Variants in KTN1 observed in about 807,000 individuals in gnomAD.
KTN1 encodes the protein kinectin.
In KTN1, 130 loss-of-function variants were observed where a neutral mutation model predicts 222.5. That is an observed-to-expected ratio of 0.58 (90% CI 0.51 to 0.68). KTN1 has a LOEUF of 0.68. Ranked by LOEUF, KTN1 falls within the 30% of genes least tolerant of loss-of-function variation. The probability of loss-of-function intolerance (pLI) is 0.00; values close to 1 mark genes in which losing one functional copy is unlikely to be tolerated. For missense variants in KTN1, 1,508 were observed against 1,500.4 expected, an observed-to-expected ratio of 1.01 and a Z score of -0.08; for synonymous variants, 512 against 496.3, an observed-to-expected ratio of 1.03 and a Z score of -0.42.
chr14:55,640,354 G>A lies in KTN1; in HGVS notation c.1915-20G>A. On this transcript the variant is annotated intron_variant, in intron 14 of 43. Transcript: ENST00000395314. ...ATCAGTTGTATTAAGTATTTTAAAT[G>A]CTATTTTTCCTTGTTCTAGGATATA... 6.8e-7 allele frequency: 1 copy of A among 1,461,344 alleles called. No individual in the cohort carries two copies. Among genetic ancestry groups the A allele is most frequent in the Non-Finnish European group, 9.5e-7 (1 of 1,052,780 alleles). 90.5% of individuals were successfully genotyped at this position (1,461,344 alleles called of 1,614,324 possible).
At chr14:55,646,460 T>TTTCCC (rs1595073348) in intron 18 of KTN1, among the ~76,000 whole-genome samples, 15 of 48,980 alleles carry the variant, frequency 3.1e-4, no homozygotes, top group African/African-American at 9.9e-4. Context: ...TTCCTTTTCC[T>TTTCCC]TTTCCTTTCC....
chr14:55,677,152 T>C (rs1420796943), intron 41 of KTN1, among the ~76,000 whole-genome samples: 1 of 152,094 alleles, frequency 6.6e-6, no homozygotes, highest in Non-Finnish European at 1.5e-5. Flanking sequence ...CAACATTTGA[T>C]TGGAAAAGCA....
chr14:55,626,551 T>A lies in KTN1; in HGVS notation c.964-1361T>A, dbSNP rs538398671. On this transcript the variant is annotated intron_variant, in intron 5 of 43. Coordinates refer to ENST00000395314, the MANE Select transcript of KTN1 (RefSeq NM_001079521.2). ...CTTGTTATTTGTGTTTTTCTTATTT[T>A]CATTTTTTGGTATCGTGTATAGATC... Among the ~76,000 whole-genome samples, 25 of 152,286 alleles carry A rather than the reference T, an allele frequency of 1.6e-4. No homozygotes were observed. The South Asian group carries it at 5.0e-3, about 30-fold the overall frequency.
At chr14:55,651,077 T>A (rs192967727) in intron 24 of KTN1, among the ~76,000 whole-genome samples, 7 of 152,318 alleles carry the variant, frequency 4.6e-5, no homozygotes, top group African/African-American at 1.7e-4. Context: ...GTTTTGCTGA[T>A]TTTAATCTGA....
At chr14:55,633,756 C>T (rs1594976041) in intron 8 of KTN1, among the ~76,000 whole-genome samples, 1 of 152,118 alleles carries the variant, frequency 6.6e-6, no homozygotes, top group South Asian at 2.1e-4. Flanking sequence ...GAACACCTGG[C>T]ATTCTAATTA....
At chr14:55,589,286 C>T (rs963622966) in intron 1 of KTN1, among the ~76,000 whole-genome samples, 2 of 152,126 alleles carry the variant, frequency 1.3e-5, no homozygotes, top group South Asian at 2.1e-4. Flanking sequence ...AAATAACATA[C>T]TACTTTTGGT....
chr14:55,638,823 T>C (rs571503510), intron 12 of KTN1, among the ~76,000 whole-genome samples: 1 of 151,966 alleles, frequency 6.6e-6, no homozygotes, highest in East Asian at 1.9e-4. Context: ...ATATTAGTCA[T>C]GGAATGGATA....
At chr14:55,584,682 T>A (rs1051642492) in intron 1 of KTN1, among the ~76,000 whole-genome samples, 4 of 152,174 alleles carry the variant, frequency 2.6e-5, no homozygotes, top group Admixed American at 6.5e-5. Flanking sequence ...TATAATTTCC[T>A]GGTTGTGTTT....
intron 1 of KTN1, among the ~76,000 whole-genome samples, chr14:55,593,209 A>C (rs563438292): frequency 3.3e-5 from 5 of 152,214 alleles, no homozygotes; most frequent in African/African-American, 1.2e-4. Context: ...CTCCTTCTTT[A>C]ACATGTTCAA....
chr14:55,654,749 T>C (rs535272635), intron 28 of KTN1, among the ~76,000 whole-genome samples: 1 of 152,278 alleles, frequency 6.6e-6, no homozygotes, highest in East Asian at 1.9e-4. Context: ...ATTAGGAAAC[T>C]ATGTGGGTTT....
intron 41 of KTN1, among the ~76,000 whole-genome samples, chr14:55,676,150 T>C (rs1400870795): frequency 1.3e-5 from 2 of 152,228 alleles, no homozygotes; most frequent in East Asian, 3.8e-4. Flanking sequence ...AATTAATTGC[T>C]TTATAAAGTA....
At chr14:55,590,531 T>C (rs186112718) in intron 1 of KTN1, among the ~76,000 whole-genome samples, 1 of 152,282 alleles carries the variant, frequency 6.6e-6, no homozygotes, top group East Asian at 1.9e-4. Flanking sequence ...ACCACTACCT[T>C]TCTTACCTTT....
intron 5 of KTN1, among the ~76,000 whole-genome samples, chr14:55,623,179 A>G (rs1242803910): frequency 1.3e-5 from 2 of 152,254 alleles, no homozygotes; most frequent in African/African-American, 4.8e-5. Flanking sequence ...AGCATTTATC[A>G]TAGCACTATA....
chr14:55,680,499 A>G (rs1466757981), intron 43 of KTN1: 1 of 399,324 alleles, frequency 2.5e-6, no homozygotes, highest in Non-Finnish European at 5.1e-6. Context: ...TTTTGAAGAT[A>G]TTTTCTCTAA....
chr14:55,633,372 G>T (rs2040747784), intron 8 of KTN1, 31 bp downstream of exon 8: 3 of 1,227,260 alleles, frequency 2.4e-6, no homozygotes, highest in Admixed American at 4.3e-5. Context: ...TTTTTTAATT[G>T]AATGGCAGAG....
At chr14:55,651,826 T>TA (rs2042955762) in intron 24 of KTN1, 64 bp from the exon 25 acceptor site, 1 of 1,067,660 alleles carries the variant, frequency 9.4e-7, no homozygotes, top group Non-Finnish European at 1.4e-6. Context: ...TATAAAGACT[T>TA]ATAAAGCTTA....
At chr14:55,582,498 T>C (rs1391224133) in intron 1 of KTN1, among the ~76,000 whole-genome samples, 1 of 152,196 alleles carries the variant, frequency 6.6e-6, no homozygotes, top group African/African-American at 2.4e-5. Context: ...TAAGTTATGG[T>C]TAAAAGTTCT....
At chr14:55,681,379 G>A (rs1292049348) in intron 43 of KTN1, 2 of 152,136 alleles carry the variant, frequency 1.3e-5, no homozygotes, top group Non-Finnish European at 2.9e-5. Flanking sequence ...CGACCTAAGC[G>A]ATATTCTCTC....
chr14:55,617,893 A>T (rs2038614062), intron 3 of KTN1, 71 bp from the exon 4 acceptor site: 1 of 1,120,092 alleles, frequency 8.9e-7, no homozygotes, highest in East Asian at 2.6e-5. Flanking sequence ...TTATCATTAA[A>T]TTATGCTTGC....
Sources: allele counts gnomAD v4.1 joint callset (sites outside exome capture counted in the v4.1 genomes callset), GRCh38; gene constraint gnomAD v4.1.1; transcripts MANE v1.5; gene names NCBI Gene and HGNC (gene_info 2026-07-23, HGNC 2026-07-21).